Variants in TNFAIP8 observed in about 807,000 individuals in gnomAD.
TNFAIP8 encodes TNF alpha induced protein 8, also known as tumor necrosis factor alpha-induced protein 8.
A neutral mutation model predicts 13.3 loss-of-function variants in TNFAIP8; 7 were observed. That is an observed-to-expected ratio of 0.52 (90% confidence interval 0.30 to 0.99). TNFAIP8 has a LOEUF of 0.99. Ranked by LOEUF, TNFAIP8 falls within the 50% of genes least tolerant of loss-of-function variation. The pLI is 0.07. For missense variants in TNFAIP8, 258 were observed against 236.9 expected (o/e 1.09, Z -0.58); for synonymous variants, 94 against 87.6 (o/e 1.07, Z -0.41).
chr5:119,370,763 C>G (rs1046015042), intron 1 of TNFAIP8, among the ~76,000 whole-genome samples: 1 of 152,228 alleles, frequency 6.6e-6, no homozygotes, highest in African/African-American at 2.4e-5. Flanking sequence ...TACCCTCCAT[C>G]AGAATGCAGT....
intron 1 of TNFAIP8, among the ~76,000 whole-genome samples, chr5:119,357,176 C>T (rs1751458573): frequency 6.6e-6 from 1 of 152,072 alleles, no homozygotes; most frequent in African/African-American, 2.4e-5. Context: ...TTTGTGGGCT[C>T]ACGTTTACCT....
intron 1 of TNFAIP8, among the ~76,000 whole-genome samples, chr5:119,332,355 A>G (rs986649): frequency 0.25 from 37,248 of 152,014 alleles, 5,696 homozygotes; most frequent in Non-Finnish European, 0.33. Flanking sequence ...CGGAAGTGCA[A>G]AATTATTCAG....
intron 1 of TNFAIP8, among the ~76,000 whole-genome samples, chr5:119,274,843 G>A (rs1325303257): frequency 6.6e-6 from 1 of 152,098 alleles, no homozygotes; most frequent in Non-Finnish European, 1.5e-5. Context: ...CTGTATTTTA[G>A]GGCTCATCTG....
intron 1 of TNFAIP8, among the ~76,000 whole-genome samples, chr5:119,367,970 A>G (rs1238774066): frequency 6.6e-6 from 1 of 152,220 alleles, no homozygotes. Flanking sequence ...AGAATCAGCT[A>G]GAGTCAGTAT....
intron 1 of TNFAIP8, chr5:119,306,225 C>T (rs1749552539): frequency 6.6e-6 from 1 of 152,130 alleles, no homozygotes; most frequent in African/African-American, 2.4e-5. Flanking sequence ...CTTAGGATCT[C>T]CTAGTGAATG....
At chr5:119,270,103 A>G (rs1030477760) in intron 1 of TNFAIP8, among the ~76,000 whole-genome samples, 1 of 152,260 alleles carries the variant, frequency 6.6e-6, no homozygotes, top group East Asian at 1.9e-4. Context: ...GGGTAAGGAT[A>G]ACAAAGCTGT....
chr5:119,330,375 C>G lies in TNFAIP8; in HGVS notation c.1+61468C>G, dbSNP rs536005241. 3.9e-5 allele frequency among the ~76,000 whole-genome samples: 6 copies of G among 152,280 alleles called. 1 individual carries two copies. In the South Asian group the frequency reaches 1.2e-3, roughly 32 times the overall value. ...TTTTATGCAGACACAAATGTCATCA[C>G]TCTTTTGATGATTTTGTTGAATGTG... On this transcript the variant is annotated intron_variant, in intron 1 of 1. Coordinates refer to the TNFAIP8 transcript ENST00000274456.
At chr5:119,365,277 T>C (rs1751804830) in intron 1 of TNFAIP8, among the ~76,000 whole-genome samples, 1 of 152,192 alleles carries the variant, frequency 6.6e-6, no homozygotes, top group African/African-American at 2.4e-5. Context: ...GTACCCTAGA[T>C]TTGGCATATA....
chr5:119,392,081 C>T (rs1752914422), intron 1 of TNFAIP8, among the ~76,000 whole-genome samples: 1 of 152,160 alleles, frequency 6.6e-6, no homozygotes, highest in Non-Finnish European at 1.5e-5. Context: ...GTAAAGTGAA[C>T]AATGGCCATT....
At chr5:119,298,876 C>A (rs1749268669) in intron 1 of TNFAIP8, among the ~76,000 whole-genome samples, 1 of 152,216 alleles carries the variant, frequency 6.6e-6, no homozygotes, top group Admixed American at 6.5e-5. Flanking sequence ...ATCACTGATA[C>A]CCTTTCTTCC....
At chr5:119,270,902 T>C (rs1748275235) in intron 1 of TNFAIP8, among the ~76,000 whole-genome samples, 1 of 152,260 alleles carries the variant, frequency 6.6e-6, no homozygotes, top group African/African-American at 2.4e-5. Context: ...AATGGGCCTT[T>C]TAAACACTTT....
intron 1 of TNFAIP8, among the ~76,000 whole-genome samples, chr5:119,369,050 CT>C (rs1351680055): frequency 1.4e-5 from 2 of 139,034 alleles, no homozygotes. Flanking sequence ...CTTTTCTTTT[CT>C]TTTCTTTTTT....
chr5:119,277,723 G>T (rs1748501732), intron 1 of TNFAIP8, among the ~76,000 whole-genome samples: 1 of 152,162 alleles, frequency 6.6e-6, no homozygotes, highest in South Asian at 2.1e-4. Context: ...TGGGTAATTT[G>T]TAAAGAACAG....
chr5:119,345,654 T>A (rs1347946386), intron 1 of TNFAIP8, among the ~76,000 whole-genome samples: 3 of 152,190 alleles, frequency 2.0e-5, no homozygotes, highest in African/African-American at 7.2e-5. Context: ...CCTGGAGTAG[T>A]CAAATTTATA....
intron 1 of TNFAIP8, among the ~76,000 whole-genome samples, chr5:119,269,510 A>G (rs1339778624): frequency 6.6e-6 from 1 of 152,162 alleles, no homozygotes; most frequent in Non-Finnish European, 1.5e-5. Flanking sequence ...ACCTGCTGCA[A>G]AGACACCTGA....
chr5:119,275,011 T>TA (rs1748395374), intron 1 of TNFAIP8, among the ~76,000 whole-genome samples: 1 of 123,268 alleles, frequency 8.1e-6, no homozygotes, highest in African/African-American at 3.4e-5. Flanking sequence ...GATTTTTTTT[T>TA]AATTTTTTTT....
intron 1 of TNFAIP8, among the ~76,000 whole-genome samples, chr5:119,325,641 G>C (rs140769273): frequency 6.6e-6 from 1 of 152,128 alleles, no homozygotes; most frequent in Non-Finnish European, 1.5e-5. Flanking sequence ...GTAGAGATGG[G>C]GTTTCACCAT....
At chr5:119,327,203 G>A (rs964489564) in intron 1 of TNFAIP8, among the ~76,000 whole-genome samples, 6 of 152,140 alleles carry the variant, frequency 3.9e-5, no homozygotes, top group Non-Finnish European at 8.8e-5. Context: ...CAGCCCTGTC[G>A]TTGAGTAAAT....
intron 1 of TNFAIP8, among the ~76,000 whole-genome samples, chr5:119,284,000 A>G (rs1451970407): frequency 6.6e-6 from 1 of 152,196 alleles, no homozygotes; most frequent in Non-Finnish European, 1.5e-5. Flanking sequence ...TGTATGTGCC[A>G]AGTGTGGCAG....
Sources: allele counts gnomAD v4.1 joint callset (sites outside exome capture counted in the v4.1 genomes callset), GRCh38; gene constraint gnomAD v4.1.1; transcripts MANE v1.5; gene names NCBI Gene and HGNC (gene_info 2026-07-23, HGNC 2026-07-21).